SKI: variants seen among roughly 807,000 people sequenced by gnomAD.
SKI encodes the protein ski oncogene.
In SKI, 23 loss-of-function variants were observed where a neutral mutation model predicts 59.3. The observed-to-expected ratio is 0.39, with a 90% CI of 0.28 to 0.55. The LOEUF is 0.55. Ranked by LOEUF, SKI falls within the 20% of genes least tolerant of loss-of-function variation. SKI has a pLI of 0.67. For missense variants in SKI, 1,017 were observed against 1,038.9 expected, an observed-to-expected ratio of 0.98 and a Z score of 0.29; for synonymous variants, 673 against 488.6, an observed-to-expected ratio of 1.38 and a Z score of -4.98.
chr1:2,303,069 G>T lies in SKI; in HGVS notation c.1061G>T (p.Ser354Ile), dbSNP rs1454556492. 2 of 1,613,598 alleles carry T rather than the reference G, an allele frequency of 1.2e-6. No individual in the cohort carries two copies. Among genetic ancestry groups the T allele is most frequent in the Non-Finnish European group, 1.7e-6 (2 of 1,180,038 alleles). The change falls in exon 2 of 7, where the codon AGC (serine) becomes ATC (isoleucine). Residue 354 changes from serine to isoleucine, a missense_variant. Coordinates refer to ENST00000378536, the MANE Select transcript of SKI (RefSeq NM_003036.4). This position sits in a 1 kb window ranked among gnomAD's most constrained non-coding sequence, Gnocchi z 5.6. ...CCTTCCGAAAAGGACAAGCCGTCCA[G>T]CTGGCTGCGGACCTTGGCCGGCTCT... ...PAPSEKDKPS[S>I]WLRTLAGSSN... is the part of the protein sequence containing the mutation.
At chr1:2,299,220 T>G (rs774397893) in intron 1 of SKI, among the ~76,000 whole-genome samples, 1 of 150,980 alleles carries the variant, frequency 6.6e-6, no homozygotes, top group Non-Finnish European at 1.5e-5. Context: ...GGGCATCAGC[T>G]CGGGGACCCG....
At chr1:2,292,497 C>G (rs952913024) in intron 1 of SKI, among the ~76,000 whole-genome samples, 17 of 152,162 alleles carry the variant, frequency 1.1e-4, no homozygotes, top group Non-Finnish European at 2.5e-4. Flanking sequence ...GGTGGAGACC[C>G]CACCTCGAGA....
chr1:2,236,476 G>A (rs1455278754), intron 1 of SKI, among the ~76,000 whole-genome samples: 5 of 151,882 alleles, frequency 3.3e-5, no homozygotes, highest in African/African-American at 1.2e-4. Flanking sequence ...GCGTGATCTC[G>A]GCTCACTGCA....
At chr1:2,231,823 C>G (rs986958955) in intron 1 of SKI, among the ~76,000 whole-genome samples, 2 of 152,232 alleles carry the variant, frequency 1.3e-5, no homozygotes, top group African/African-American at 4.8e-5. Context: ...GGCACCCATC[C>G]TGCCCGTGTT....
rs752411031 is a variant in SKI, at chr1:2,229,333, G to C, written c.567G>C (p.Leu189=). The C allele has an allele frequency of 9.4e-6, 15 of 1,595,476 alleles. No individual in the cohort carries two copies. In the African/African-American group the frequency reaches 1.9e-4, roughly 20 times the overall value. Residue 189 remains leucine (L), a synonymous_variant, in exon 1 of 7, where the codon CTG becomes CTC. Coordinates refer to ENST00000378536, the MANE Select transcript of SKI (RefSeq NM_003036.4). The surrounding 1 kb of genome is among the most constrained non-coding windows in gnomAD (Gnocchi z 6.3). Reference sequence around the variant, plus strand: ...ACGCCGAGCGCCTGTGCAACGCGCTGCTCTACGGCGGCGCCTACCCGCCGC... The same window carrying C: ...ACGCCGAGCGCCTGTGCAACGCGCTCCTCTACGGCGGCGCCTACCCGCCGC... ...KTDAERLCNA[L]LYGGAYPPPC...
intron 1 of SKI, among the ~76,000 whole-genome samples, chr1:2,286,110 C>T (rs921628979): frequency 1.5e-4 from 23 of 151,840 alleles, no homozygotes; most frequent in African/African-American, 4.6e-4. Flanking sequence ...CTGACCTCGT[C>T]GTCCACCCAC....
chr1:2,303,102 A>G lies in SKI; in HGVS notation c.1094A>G (p.Lys365Arg), dbSNP rs1482153836. ...WLRTLAGSSN[K>R]SLGCVHPRQR... ...CGGACCTTGGCCGGCTCTTCCAATA[A>G]GGTGCTGTGGGGCCTGTCGGGGTCC... Residue 365 changes from lysine (K) to arginine (R), a missense_variant and splice_region_variant, in exon 2 of 7, where the codon AAG (lysine) becomes AGG (arginine). Lys to Arg is a conservative substitution (Grantham distance 26). Transcript: ENST00000378536. This position sits in a 1 kb window ranked among gnomAD's most constrained non-coding sequence, Gnocchi z 5.6. The G allele has an allele frequency of 1.9e-6, 3 of 1,613,132 alleles. No homozygotes were observed. The highest frequency in any genetic ancestry group is 2.5e-6 in the Non-Finnish European group (3 of 1,179,974).
chr1:2,308,258 C>T lies in SKI; in HGVS notation c.*1493C>T, dbSNP rs1482485707. The T allele has an allele frequency of 1.3e-5, 2 of 152,186 alleles. No individual in the cohort carries two copies. The highest frequency in any genetic ancestry group is 2.9e-5 in the Non-Finnish European group (2 of 68,044). The allele number at this position is 152,186 out of a possible 1,614,324, so 9.4% of individuals were successfully genotyped here. A position where few individuals can be genotyped will look rare whatever the true frequency, so the allele number is the denominator to read the frequency against. ...TGGAGGTTACTTGCCCAGGTACAGA[C>T]GACCTCGGGGCAGTGACGAGCAAAG... On this transcript the variant is annotated 3_prime_UTR_variant, in exon 7 of 7. Coordinates refer to ENST00000378536, the MANE Select transcript of SKI (RefSeq NM_003036.4).
intron 1 of SKI, among the ~76,000 whole-genome samples, chr1:2,257,455 C>T (rs1311031884): frequency 2.0e-5 from 3 of 152,246 alleles, no homozygotes; most frequent in Non-Finnish European, 4.4e-5. Flanking sequence ...GGTGCCAGAG[C>T]GCGTCGGCGT....
intron 1 of SKI, among the ~76,000 whole-genome samples, chr1:2,272,188 G>C (rs1471690893): frequency 2.6e-5 from 4 of 152,248 alleles, no homozygotes; most frequent in Non-Finnish European, 5.9e-5. Context: ...AGATGGGCGG[G>C]GCTGGAGCTT....
intron 1 of SKI, among the ~76,000 whole-genome samples, chr1:2,263,234 ATTTT>A (rs35975887): frequency 2.1e-4 from 25 of 118,454 alleles, no homozygotes; most frequent in Admixed American, 2.7e-4. Context: ...TTTGCTTAGA[ATTTT>A]TTTTTTTTTT....
At chr1:2,305,071 G>A (rs971004933) in intron 5 of SKI, among the ~76,000 whole-genome samples, 1 of 152,214 alleles carries the variant, frequency 6.6e-6, no homozygotes, top group Admixed American at 6.5e-5. Context: ...CTAATGCCTG[G>A]TGTTCCAGAA....
intron 1 of SKI, among the ~76,000 whole-genome samples, chr1:2,272,796 T>G (rs141682904): frequency 0.014 from 2,191 of 152,098 alleles, 43 homozygotes; most frequent in African/African-American, 0.051. Context: ...GTGCTGACCC[T>G]GGGACCGGTG....
In SKI at chr1:2,228,747, C is replaced by G. The variant is rs1414376928; in HGVS notation, c.-20C>G. The stretch of plus-strand genomic sequence containing the variant: ...CCGGGCGCGCGGGAGCGGGAGCGGC[C>G]GGGGGAGCCGGAGCGCACCATGGAG... On this transcript the variant is annotated 5_prime_UTR_variant, in exon 1 of 7. Transcript: ENST00000378536. The G allele has an allele frequency of 8.0e-6, 9 of 1,131,284 alleles. No homozygotes were observed. The South Asian group carries it at 8.9e-5, about 11-fold the overall frequency. 70.1% of individuals were successfully genotyped at this position (1,131,284 alleles called of 1,614,324 possible).
intron 1 of SKI, among the ~76,000 whole-genome samples, chr1:2,242,774 C>T (rs756919281): frequency 2.0e-5 from 3 of 152,210 alleles, no homozygotes; most frequent in Admixed American, 6.5e-5. Context: ...CCTGCCTCAG[C>T]CTCCCAAAGT....
At chr1:2,235,194 A>T (rs908773636) in intron 1 of SKI, among the ~76,000 whole-genome samples, 6 of 151,972 alleles carry the variant, frequency 3.9e-5, no homozygotes, top group African/African-American at 1.5e-4. Flanking sequence ...GATGTGTGCC[A>T]CCACACCCAA....
chr1:2,309,778 C>T lies in SKI; in HGVS notation c.*3013C>T, dbSNP rs1266885013. 2.2e-4 allele frequency: 2 copies of T among 8,980 alleles called. No individual in the cohort carries two copies. The highest frequency in any genetic ancestry group is 1.2e-3 in the African/African-American group (1 of 850). 0.6% of individuals were successfully genotyped at this position (8,980 alleles called of 1,614,324 possible). On this transcript the variant is annotated 3_prime_UTR_variant, in exon 7 of 7. Transcript: ENST00000378536. Reference sequence around the variant, plus strand: ...CCCTCCTCCCTGTGGGTCCGATCCCCGGCCCCCCCCACCCCCTCCTCCCTG... The same window carrying T: ...CCCTCCTCCCTGTGGGTCCGATCCCTGGCCCCCCCCACCCCCTCCTCCCTG...
At position 2,276,492 on chromosome 1, in the gene SKI, G is replaced by A. The variant is rs532399812; in HGVS notation, c.970-26486G>A. Among the ~76,000 whole-genome samples, 10 of 152,348 alleles carry A rather than the reference G, an allele frequency of 6.6e-5. No individual in the cohort carries two copies. In the East Asian group the frequency reaches 1.9e-3, roughly 29 times the overall value. On this transcript the variant is annotated intron_variant, in intron 1 of 6. Transcript: ENST00000378536. ...TGGGATTGGGGAGCCAGGGCTGAGG[G>A]CCTGTAGGGCCCCCTGTCTGTGCCT...
chr1:2,247,574 A>G (rs1569713893), intron 1 of SKI, among the ~76,000 whole-genome samples: 1 of 152,224 alleles, frequency 6.6e-6, no homozygotes, highest in Non-Finnish European at 1.5e-5. Flanking sequence ...GCAAGGGGCC[A>G]TTCTCTGGCA....
Sources: allele counts gnomAD v4.1 joint callset (sites outside exome capture counted in the v4.1 genomes callset), GRCh38; gene constraint gnomAD v4.1.1; non-coding constraint Gnocchi (gnomAD v3.1); transcripts MANE v1.5; gene names NCBI Gene and HGNC (gene_info 2026-07-23, HGNC 2026-07-21).